Variants in PPARGC1A observed in about 807,000 individuals in gnomAD.
PPARGC1A encodes the protein peroxisome proliferator-activated receptor gamma coactivator 1-alpha.
PPARGC1A carries 25 observed loss-of-function variants against 88.7 expected under a neutral mutation model. The ratio of observed to expected loss-of-function variants is 0.28; its 90% CI spans 0.21 to 0.39. The LOEUF (loss-of-function observed/expected upper bound fraction) is 0.39, where lower values mean the gene tolerates loss of function less well. Among genes scored for constraint, PPARGC1A ranks in the 10% least tolerant of loss-of-function variants. The pLI is 1.00. For synonymous variants in PPARGC1A, 363 were observed against 355.6 expected, an observed-to-expected ratio of 1.02 and a Z score of -0.24; for missense variants, 880 against 968.7, an observed-to-expected ratio of 0.91 and a Z score of 1.22.
At chr4:24,286,008 C>G in the PPARGC1A span, among the ~76,000 whole-genome samples, 5 of 152,296 alleles carry the variant, frequency 3.3e-5, no homozygotes, top group South Asian at 1.0e-3. Context: ...GGAAACAATG[C>G]TCCTATTACA....
At chr4:24,026,499 T>C in the PPARGC1A span, among the ~76,000 whole-genome samples, 2 of 152,298 alleles carry the variant, frequency 1.3e-5, 1 homozygote, top group African/African-American at 4.8e-5. Context: ...CTTTCTCCTT[T>C]TGTATTTAAG....
At chr4:24,344,135 A>C in the PPARGC1A span, among the ~76,000 whole-genome samples, 1 of 151,736 alleles carries the variant, frequency 6.6e-6, no homozygotes. Flanking sequence ...CAGTTTTTTT[A>C]ATCCACTCAT....
chr4:24,168,075 C>T, the PPARGC1A span, among the ~76,000 whole-genome samples: 119 of 152,224 alleles, frequency 7.8e-4, no homozygotes, highest in African/African-American at 2.6e-3. Flanking sequence ...TTTTGAATTA[C>T]GGTATGTAAA....
intron 10 of PPARGC1A, among the ~76,000 whole-genome samples, chr4:23,812,473 ACT>A (rs1234478662): frequency 2.6e-5 from 4 of 151,968 alleles, no homozygotes; most frequent in African/African-American, 9.7e-5. Flanking sequence ...AAAAATCTCT[ACT>A]CCCTCCATTT....
At chr4:24,089,277 G>A in the PPARGC1A span, among the ~76,000 whole-genome samples, 18 of 152,268 alleles carry the variant, frequency 1.2e-4, no homozygotes, top group East Asian at 3.5e-3. Flanking sequence ...CTTAGGGACA[G>A]CCTTGGTGTC....
the PPARGC1A span, among the ~76,000 whole-genome samples, chr4:24,326,738 C>G: frequency 6.6e-6 from 1 of 152,196 alleles, no homozygotes; most frequent in African/African-American, 2.4e-5. Context: ...CCTTTCCTTC[C>G]TAGGCATGTT....
intron 2 of PPARGC1A, among the ~76,000 whole-genome samples, chr4:23,844,734 TGATATATCATAATATATG>T (rs1727860422): frequency 1.1e-5 from 1 of 93,224 alleles, no homozygotes; most frequent in African/African-American, 4.8e-5. Context: ...TTATAATATA[TGATATATCATAATATATG>T]ATATATATTA....
chr4:24,100,546 A>G, the PPARGC1A span, among the ~76,000 whole-genome samples: 1 of 152,232 alleles, frequency 6.6e-6, no homozygotes, highest in Admixed American at 6.5e-5. Flanking sequence ...TGACAAGTGC[A>G]TGACGCCGCC....
chr4:23,820,080 A>G (rs1722714832), intron 7 of PPARGC1A, among the ~76,000 whole-genome samples: 1 of 152,140 alleles, frequency 6.6e-6, no homozygotes, highest in South Asian at 2.1e-4. Context: ...ATTCAACATA[A>G]AAGTGGTAGT....
the PPARGC1A span, among the ~76,000 whole-genome samples, chr4:24,338,446 A>G: frequency 2.0e-5 from 3 of 152,224 alleles, no homozygotes; most frequent in Non-Finnish European, 2.9e-5. Context: ...AAACTACTCT[A>G]AAACCTAAGG....
the PPARGC1A span, among the ~76,000 whole-genome samples, chr4:24,220,142 T>C: frequency 6.6e-6 from 1 of 152,158 alleles, no homozygotes; most frequent in African/African-American, 2.4e-5. Context: ...TTACTAACCA[T>C]CAGGGAGATG....
the PPARGC1A span, among the ~76,000 whole-genome samples, chr4:24,379,164 G>A: frequency 2.6e-4 from 39 of 152,072 alleles, no homozygotes; most frequent in African/African-American, 1.7e-4. Flanking sequence ...ATAAATTATC[G>A]CATGTCTATA....
At chr4:24,241,329 G>C in the PPARGC1A span, among the ~76,000 whole-genome samples, 1 of 152,168 alleles carries the variant, frequency 6.6e-6, no homozygotes, top group Non-Finnish European at 1.5e-5. Context: ...AGGGTGTCTA[G>C]CTCTTTTCTG....
chr4:24,177,433 A>G, the PPARGC1A span, among the ~76,000 whole-genome samples: 2 of 142,516 alleles, frequency 1.4e-5, no homozygotes, highest in African/African-American at 5.3e-5. Flanking sequence ...ACACGGACAC[A>G]GGAAGGGGAA....
the PPARGC1A span, among the ~76,000 whole-genome samples, chr4:23,998,158 T>C: frequency 6.6e-6 from 1 of 152,178 alleles, no homozygotes; most frequent in Non-Finnish European, 1.5e-5. Flanking sequence ...TGTAAGAATA[T>C]CAGAGAAGGG....
At chr4:24,456,698 C>T in the PPARGC1A span, among the ~76,000 whole-genome samples, 9 of 151,880 alleles carry the variant, frequency 5.9e-5, no homozygotes, top group African/African-American at 1.7e-4. Context: ...GATCTCTCAG[C>T]TGGCTAAAAG....
chr4:24,222,649 G>A, the PPARGC1A span, among the ~76,000 whole-genome samples: 3 of 152,160 alleles, frequency 2.0e-5, no homozygotes, highest in Non-Finnish European at 4.4e-5. Flanking sequence ...TTCTTTTAAA[G>A]GTCCTAGGGA....
chr4:24,050,194 C>CTTTTTTTTTTTTTTTTTT, the PPARGC1A span, among the ~76,000 whole-genome samples: 10 of 127,808 alleles, frequency 7.8e-5, 5 homozygotes, highest in Non-Finnish European at 9.5e-5. Context: ...CTTAGGTGAC[C>CTTTTTTTTTTTTTTTTTT]TTTTGTTTTT....
At chr4:24,432,693 G>A in the PPARGC1A span, among the ~76,000 whole-genome samples, 1 of 152,196 alleles carries the variant, frequency 6.6e-6, no homozygotes, top group African/African-American at 2.4e-5. Context: ...GTGTGATCCT[G>A]AGTGTGTCAC....
Sources: allele counts gnomAD v4.1 joint callset (sites outside exome capture counted in the v4.1 genomes callset), GRCh38; gene constraint gnomAD v4.1.1; transcripts MANE v1.5; gene names NCBI Gene and HGNC (gene_info 2026-07-23, HGNC 2026-07-21).